Variants in COPE observed in about 807,000 individuals in gnomAD.
COPE encodes the protein coat protein complex I subunit epsilon.
In COPE, 19 loss-of-function variants were observed where a neutral mutation model predicts 42.1. The observed-to-expected ratio is 0.45, with a 90% confidence interval of 0.31 to 0.66. COPE has a LOEUF of 0.66. Ranked by LOEUF, COPE falls within the 30% of genes least tolerant of loss-of-function variation. The probability of loss-of-function intolerance (pLI) is 0.05; values close to 1 mark genes in which losing one functional copy is unlikely to be tolerated. For synonymous variants in COPE, 195 were observed against 181.3 expected (o/e 1.08, Z -0.60); for missense variants, 402 against 416.1 (o/e 0.97, Z 0.30).
chr19:18,913,096 C>A, intron 1 of COPE, 50 bp from the exon 2 acceptor site: 1 of 1,530,044 alleles, frequency 6.5e-7, no homozygotes, highest in Non-Finnish European at 9.0e-7. Context: ...CCCAGCGCAG[C>A]CCACACAGGG....
At chr19:18,909,162 G>C (rs1430255997) in intron 3 of COPE, among the ~76,000 whole-genome samples, 1 of 152,248 alleles carries the variant, frequency 6.6e-6, no homozygotes, top group Non-Finnish European at 1.5e-5. Flanking sequence ...CACAGCAGCT[G>C]CTGCTCCTGG....
chr19:18,904,883 A>T, intron 5 of COPE, 31 bp from the exon 6 acceptor site: 1 of 1,547,914 alleles, frequency 6.5e-7, no homozygotes, highest in Non-Finnish European at 8.7e-7. Context: ...AGAGGGGCTG[A>T]GTGGCCGAGG....
At chr19:18,901,465 G>C (rs1004458857) in intron 7 of COPE, among the ~76,000 whole-genome samples, 8 of 152,206 alleles carry the variant, frequency 5.3e-5, no homozygotes, top group African/African-American at 1.9e-4. Context: ...AGCCCTGACT[G>C]CTCAGAGCTA....
intron 4 of COPE, chr19:18,906,704 G>A (rs1032959464): frequency 5.0e-6 from 2 of 403,674 alleles, no homozygotes; most frequent in South Asian, 5.1e-5. Context: ...AGACAAAGCC[G>A]CTTTCTGCTC....
At chr19:18,912,918 T>G in intron 2 of COPE, 66 bp downstream of exon 2, 1 of 1,535,650 alleles carries the variant, frequency 6.5e-7, no homozygotes, top group Non-Finnish European at 9.0e-7. Flanking sequence ...TGTGGTGCCT[T>G]CCTGTCCCCA....
intron 2 of COPE, 88 bp from the exon 3 acceptor site, chr19:18,911,159 A>C: frequency 8.2e-7 from 1 of 1,220,930 alleles, no homozygotes; most frequent in Non-Finnish European, 1.2e-6. Context: ...CCAGACAGGA[A>C]GTCCCTGCCC....
chr19:18,903,263 C>T lies in COPE; in HGVS notation c.735+5G>A, dbSNP rs1198054588. On this transcript the variant is annotated splice_donor_5th_base_variant and intron_variant, in intron 7 of 9. Transcript: ENST00000262812. ...GTCCCCACTCTGGGACAGGCTTGTG[C>T]CTACCTTGTCTAGCGCCTCCTGCAG... 1 of 1,580,802 alleles carries T rather than the reference C, an allele frequency of 6.3e-7. No homozygotes were observed. Among genetic ancestry groups the T allele is most frequent in the Non-Finnish European group, 8.6e-7 (1 of 1,163,910 alleles).
Position 18,903,841 on chromosome 19 carries a change from C to T in COPE, c.580-418G>A, listed in dbSNP as rs190171821. Among the ~76,000 whole-genome samples the T allele has an allele frequency of 2.1e-3, 314 of 152,320 alleles. 2 individuals are homozygous for T. Among genetic ancestry groups the T allele is most frequent in the African/African-American group, 7.2e-3 (300 of 41,572 alleles). On this transcript the variant is annotated intron_variant, in intron 6 of 9. Coordinates refer to ENST00000262812, the MANE Select transcript of COPE (RefSeq NM_007263.4). ...AACACTTGCAGGGGGAGCCTGAGGCCAAGGCAGGCAGTGAAAACAGCCCAA... is the reference window on the plus strand; with the variant it reads ...AACACTTGCAGGGGGAGCCTGAGGCTAAGGCAGGCAGTGAAAACAGCCCAA...
At chr19:18,915,690 G>A (rs1327391659) in intron 1 of COPE, among the ~76,000 whole-genome samples, 4 of 152,228 alleles carry the variant, frequency 2.6e-5, no homozygotes, top group African/African-American at 9.6e-5. Flanking sequence ...TACTGTTTGG[G>A]AAGGCGGGTG....
chr19:18,915,385 C>T (rs1159782686), intron 1 of COPE, among the ~76,000 whole-genome samples: 1 of 152,204 alleles, frequency 6.6e-6, no homozygotes, highest in Non-Finnish European at 1.5e-5. Flanking sequence ...ACTGGAGAGA[C>T]AAGAGTGCCG....
At chr19:18,908,812 C>T (rs1391201557) in intron 3 of COPE, among the ~76,000 whole-genome samples, 2 of 151,946 alleles carry the variant, frequency 1.3e-5, no homozygotes, top group Non-Finnish European at 2.9e-5. Context: ...CCACTGCGCC[C>T]GGCCAGGCAA....
chr19:18,915,729 C>T (rs1440873658), intron 1 of COPE, among the ~76,000 whole-genome samples: 1 of 152,200 alleles, frequency 6.6e-6, no homozygotes, highest in Non-Finnish European at 1.5e-5. Context: ...AGCCAGAAAC[C>T]TTGGGGGTAG....
chr19:18,899,611 G>T lies in COPE; in HGVS notation c.*68C>A. On this transcript the variant is annotated 3_prime_UTR_variant, in exon 10 of 10. Coordinates refer to ENST00000262812, the MANE Select transcript of COPE (RefSeq NM_007263.4). The stretch of plus-strand genomic sequence containing the variant: ...AGGGGATGCAGGTGGATGCCGGGTG[G>T]GGAGGGCTGCAGGGCTGGCTCCTGG... 1 of 1,569,804 alleles carries T rather than the reference G, an allele frequency of 6.4e-7. No homozygotes were observed. Among genetic ancestry groups the T allele is most frequent in the South Asian group, 1.1e-5 (1 of 89,884 alleles).
intron 8 of COPE, 75 bp downstream of exon 8, chr19:18,900,299 CTAGGGAT>C (rs1323106950): frequency 2.5e-6 from 3 of 1,181,532 alleles, no homozygotes; most frequent in Non-Finnish European, 3.6e-6. Flanking sequence ...TCCCAGGGGC[CTAGGGAT>C]TAGGGCCTGG....
chr19:18,913,044 T>C lies in COPE; in HGVS notation c.129A>G (p.Leu43=), dbSNP rs3177137. Residue 43 remains leucine, a splice_region_variant and synonymous_variant, in exon 2 of 10, where the codon CTA becomes CTG. Coordinates refer to ENST00000262812, the MANE Select transcript of COPE (RefSeq NM_007263.4). ...QCINEAQRVK[L]SSPERDVERD... Reference sequence around the variant, plus strand: ...TCTCCACGTCTCTCTCTGGGCTTGATAGCTGTGGGAACCAATGTGAGTCAG... The same window carrying C: ...TCTCCACGTCTCTCTCTGGGCTTGACAGCTGTGGGAACCAATGTGAGTCAG... 0.46 allele frequency: 739,018 copies of C among 1,608,592 alleles called. 174,057 individuals are homozygous for C. The highest frequency in any genetic ancestry group is 0.6 in the Middle Eastern group (3,624 of 6,052).
Position 18,899,654 on chromosome 19 carries a change from T to C in COPE, c.*25A>G, listed in dbSNP as rs764495624. The C allele has an allele frequency of 1.5e-5, 25 of 1,613,070 alleles. No individual in the cohort carries two copies. Among genetic ancestry groups the C allele is most frequent in the Middle Eastern group, 1.6e-4 (1 of 6,076 alleles). ...GCTCCTGGCCTCTGTCCTGGCTTCA[T>C]GGTCCTGACAGCTCTGGGCCAGCCT... On this transcript the variant is annotated 3_prime_UTR_variant, in exon 10 of 10. Coordinates refer to ENST00000262812, the MANE Select transcript of COPE (RefSeq NM_007263.4).
At position 18,919,262 on chromosome 19, in the gene COPE, G is replaced by A. The variant is rs1394630544; in HGVS notation, c.87C>T (p.Gly29=). Residue 29 remains glycine (G), a synonymous_variant, in exon 1 of 10, where the codon GGC becomes GGT. Coordinates refer to ENST00000262812, the MANE Select transcript of COPE (RefSeq NM_007263.4). The stretch of plus-strand genomic sequence containing the variant: ...CCTCGTTTATGCACTGCTGGTAGCT[G>A]CCGATGTAGAAGGCGTTCTTTACGT... The part of the protein sequence containing the change: ...LFDVKNAFYI[G]SYQQCINEAQ... The A allele has an allele frequency of 1.3e-5, 21 of 1,613,778 alleles. No individual in the cohort carries two copies. The highest frequency in any genetic ancestry group is 1.6e-5 in the Non-Finnish European group (19 of 1,180,006).
intron 1 of COPE, among the ~76,000 whole-genome samples, chr19:18,915,780 C>T (rs2056849094): frequency 6.6e-6 from 1 of 152,220 alleles, no homozygotes; most frequent in African/African-American, 2.4e-5. Flanking sequence ...GATCTGACCG[C>T]ACTGGGCCGT....
At position 18,912,988 on chromosome 19, in the gene COPE, G is replaced by C. The variant is rs762085966; in HGVS notation, c.185C>G (p.Ala62Gly). 8.7e-6 allele frequency: 14 copies of C among 1,611,710 alleles called. No homozygotes were observed. The highest frequency in any genetic ancestry group is 1.1e-5 in the Non-Finnish European group (13 of 1,179,850). Residue 62 changes from alanine to glycine, a missense_variant, in exon 2 of 10, where the codon GCG becomes GGG. Physicochemically the swap from Ala to Gly is moderately conservative, Grantham distance 60 (BLOSUM62 0). Transcript: ENST00000262812. The stretch of plus-strand genomic sequence containing the variant: ...CCGGCCAAGGCCCGCACTCACCTGC[G>C]CCAGGTACGCTCTATACAGGAAGAC... The part of the protein sequence containing the change: ...RDVFLYRAYL[A>G]QRKFGVVLDE...
Sources: allele counts gnomAD v4.1 joint callset (sites outside exome capture counted in the v4.1 genomes callset), GRCh38; gene constraint gnomAD v4.1.1; transcripts MANE v1.5; gene names NCBI Gene and HGNC (gene_info 2026-07-23, HGNC 2026-07-21).